The following OPCML variants were observed in gnomAD, a reference collection of about 807,000 sequenced individuals.
The protein encoded by OPCML is opioid binding protein/cell adhesion molecule like, also known as opioid-binding protein/cell adhesion molecule.
Under a neutral mutation model 37.8 loss-of-function variants are expected in OPCML, and 13 were observed. The observed-to-expected ratio is 0.34, with a 90% CI of 0.22 to 0.55. The LOEUF (loss-of-function observed/expected upper bound fraction) is 0.55. Ranked by LOEUF, OPCML falls within the 20% of genes least tolerant of loss-of-function variation. The probability of loss-of-function intolerance (pLI) is 0.91; values close to 1 mark genes in which losing one functional copy is unlikely to be tolerated. For synonymous variants in OPCML, 176 were observed against 168.8 expected (o/e 1.04, Z -0.33); for missense variants, 341 against 435.6 (o/e 0.78, Z 1.93).
At chr11:133,155,450 C>T (rs1051532372) in intron 1 of OPCML, among the ~76,000 whole-genome samples, 2 of 152,112 alleles carry the variant, frequency 1.3e-5, no homozygotes, top group African/African-American at 2.4e-5. Flanking sequence ...CAAACACTTT[C>T]CTACCTTGGC....
chr11:133,238,963 G>A (rs763631094), intron 1 of OPCML, among the ~76,000 whole-genome samples: 1 of 152,178 alleles, frequency 6.6e-6, no homozygotes, highest in Non-Finnish European at 1.5e-5. Context: ...TGGAGTGCTG[G>A]ATCATTATCG....
intron 1 of OPCML, among the ~76,000 whole-genome samples, chr11:133,075,887 C>T (rs1948613897): frequency 6.6e-6 from 1 of 152,290 alleles, no homozygotes; most frequent in Admixed American, 6.5e-5. Context: ...ACCCAAATTC[C>T]AGTCAGCCTG....
At chr11:132,425,499 G>A (rs1334773010) in intron 7 of OPCML, among the ~76,000 whole-genome samples, 1 of 152,208 alleles carries the variant, frequency 6.6e-6, no homozygotes, top group Non-Finnish European at 1.5e-5. Flanking sequence ...TGTGGAAGGA[G>A]TAGTTCTATC....
intron 2 of OPCML, among the ~76,000 whole-genome samples, chr11:132,685,118 A>G (rs185387833): frequency 6.6e-6 from 1 of 152,272 alleles, no homozygotes; most frequent in Admixed American, 6.5e-5. Flanking sequence ...CTATCTTTGG[A>G]TTTGATTTGC....
chr11:132,705,794 A>C (rs1344855130), intron 2 of OPCML, among the ~76,000 whole-genome samples: 1 of 151,888 alleles, frequency 6.6e-6, no homozygotes, highest in Non-Finnish European at 1.5e-5. Context: ...TTTTCTAATA[A>C]AGTACCCAGT....
chr11:133,157,703 AAACTGC>A (rs1950081660), intron 1 of OPCML, among the ~76,000 whole-genome samples: 1 of 152,206 alleles, frequency 6.6e-6, no homozygotes, highest in South Asian at 2.1e-4. Context: ...CCTTTGGATC[AAACTGC>A]AAGTGAAAAT....
At chr11:132,924,489 T>C (rs1323437710) in intron 2 of OPCML, among the ~76,000 whole-genome samples, 1 of 152,190 alleles carries the variant, frequency 6.6e-6, no homozygotes, top group Non-Finnish European at 1.5e-5. Flanking sequence ...TGAAGACAAA[T>C]CTGATCAATT....
intron 1 of OPCML, among the ~76,000 whole-genome samples, chr11:133,081,029 T>C (rs1166139985): frequency 1.3e-5 from 2 of 152,082 alleles, no homozygotes; most frequent in African/African-American, 4.8e-5. Flanking sequence ...GTTTCAACAT[T>C]ATATCCACAA....
intron 3 of OPCML, among the ~76,000 whole-genome samples, chr11:132,640,038 T>A (rs1195742559): frequency 6.6e-6 from 1 of 152,210 alleles, no homozygotes; most frequent in East Asian, 1.9e-4. Context: ...ATAAAACTTC[T>A]CTTGCTACAG....
intron 2 of OPCML, chr11:132,860,418 T>C (rs1031663331): frequency 1.3e-5 from 2 of 152,224 alleles, no homozygotes; most frequent in African/African-American, 4.8e-5. Context: ...ACATGACTTT[T>C]TAAGAAGGGT....
intron 1 of OPCML, among the ~76,000 whole-genome samples, chr11:133,044,837 G>A (rs1947977145): frequency 6.6e-6 from 1 of 152,086 alleles, no homozygotes; most frequent in South Asian, 2.1e-4. Flanking sequence ...CAAAAGAACT[G>A]CAGTGAACAG....
intron 1 of OPCML, among the ~76,000 whole-genome samples, chr11:133,499,800 ATG>A (rs1169720428): frequency 2.1e-5 from 3 of 140,486 alleles, no homozygotes; most frequent in African/African-American, 8.2e-5. Context: ...ACATATATAT[ATG>A]TGTGTGTATA....
chr11:132,714,603 C>G (rs1403648358), intron 2 of OPCML, among the ~76,000 whole-genome samples: 1 of 152,128 alleles, frequency 6.6e-6, no homozygotes, highest in Non-Finnish European at 1.5e-5. Context: ...GGCTCTGAAG[C>G]TTGACAGAAA....
At chr11:133,008,979 G>A (rs1442996175) in intron 1 of OPCML, 2 of 985,276 alleles carry the variant, frequency 2.0e-6, no homozygotes, top group South Asian at 4.7e-5. Context: ...AGATTAGCAT[G>A]GACATGGACT....
intron 1 of OPCML, among the ~76,000 whole-genome samples, chr11:133,470,867 G>C (rs1455344411): frequency 5.9e-5 from 9 of 152,176 alleles, no homozygotes; most frequent in Non-Finnish European, 1.3e-4. Flanking sequence ...TTTGTGGCTA[G>C]AGAGATCATT....
At chr11:133,268,152 C>T (rs986343918) in intron 1 of OPCML, among the ~76,000 whole-genome samples, 3 of 152,162 alleles carry the variant, frequency 2.0e-5, no homozygotes, top group Admixed American at 1.3e-4. Context: ...CCAGAGTGGA[C>T]AGCCCTGGAT....
intron 1 of OPCML, among the ~76,000 whole-genome samples, chr11:133,171,631 G>T (rs1269453218): frequency 1.3e-5 from 2 of 152,206 alleles, no homozygotes; most frequent in Non-Finnish European, 2.9e-5. Context: ...GGTTGTCTGG[G>T]GAGAATTTCA....
intron 2 of OPCML, among the ~76,000 whole-genome samples, chr11:132,935,196 A>G (rs1415014439): frequency 6.6e-6 from 1 of 152,130 alleles, no homozygotes; most frequent in East Asian, 1.9e-4. Context: ...AATAGAAACA[A>G]TACAACAAAC....
intron 2 of OPCML, among the ~76,000 whole-genome samples, chr11:132,665,395 C>G (rs2135798656): frequency 6.6e-6 from 1 of 152,280 alleles, no homozygotes; most frequent in Non-Finnish European, 1.5e-5. Context: ...TACCTGAATG[C>G]AGAAAGCAAT....
Sources: allele counts gnomAD v4.1 joint callset (sites outside exome capture counted in the v4.1 genomes callset), GRCh38; gene constraint gnomAD v4.1.1; transcripts MANE v1.5; gene names NCBI Gene and HGNC (gene_info 2026-07-23, HGNC 2026-07-21).